The following SYNPO2 variants were observed in gnomAD, a reference collection of about 807,000 sequenced individuals.
SYNPO2 encodes the protein synaptopodin 2, also known as synaptopodin-2.
A neutral mutation model predicts 85.0 loss-of-function variants in SYNPO2; 56 were observed. The ratio of observed to expected loss-of-function variants is 0.66; its 90% CI spans 0.53 to 0.82. The LOEUF (loss-of-function observed/expected upper bound fraction) is 0.82. SYNPO2 is among the 40% of genes least tolerant of loss of function. The pLI, the probability that SYNPO2 is intolerant of heterozygous loss-of-function variation, is 0.00. For synonymous variants in SYNPO2, 602 were observed against 591.1 expected (o/e 1.02, Z -0.27); for missense variants, 1,575 against 1,534.2 (o/e 1.03, Z -0.44).
intron 1 of SYNPO2, among the ~76,000 whole-genome samples, chr4:118,872,731 A>C (rs939270034): frequency 2.0e-5 from 3 of 152,118 alleles, no homozygotes; most frequent in African/African-American, 4.8e-5. Context: ...TCCTTCCTTC[A>C]TGAGATCCAA....
chr4:118,893,867 C>T (rs979168250), intron 1 of SYNPO2, among the ~76,000 whole-genome samples: 10 of 151,696 alleles, frequency 6.6e-5, no homozygotes, highest in Admixed American at 3.9e-4. Context: ...TAAATGTTCT[C>T]GTCACAAAGA....
chr4:118,938,354 ATG>A (rs1238900378), intron 1 of SYNPO2, among the ~76,000 whole-genome samples: 3 of 152,074 alleles, frequency 2.0e-5, no homozygotes, highest in Admixed American at 6.6e-5. Flanking sequence ...TTATATATAT[ATG>A]TGTACATTAT....
intron 1 of SYNPO2, among the ~76,000 whole-genome samples, chr4:118,979,586 T>C (rs774296965): frequency 6.6e-6 from 1 of 152,254 alleles, no homozygotes; most frequent in Non-Finnish European, 1.5e-5. Flanking sequence ...ATTTCCGTAC[T>C]GTTTATGACA....
intron 3 of SYNPO2, among the ~76,000 whole-genome samples, chr4:119,027,811 A>G (rs1165543228): frequency 1.3e-5 from 2 of 152,184 alleles, no homozygotes; most frequent in Non-Finnish European, 2.9e-5. Flanking sequence ...TTTAAATGTC[A>G]AAAACTGTTG....
chr4:119,025,212 A>C (rs1737888316), intron 2 of SYNPO2, among the ~76,000 whole-genome samples: 1 of 152,176 alleles, frequency 6.6e-6, no homozygotes, highest in African/African-American at 2.4e-5. Context: ...TCTCAGCTTC[A>C]CAATTGATTG....
At chr4:118,996,040 C>G (rs1259874457) in intron 1 of SYNPO2, among the ~76,000 whole-genome samples, 2 of 152,190 alleles carry the variant, frequency 1.3e-5, no homozygotes, top group African/African-American at 4.8e-5. Flanking sequence ...CTCCTATCAC[C>G]TACAATGGAA....
chr4:119,032,929 T>TGTG, intron 4 of SYNPO2: 3 of 905,312 alleles, frequency 3.3e-6, no homozygotes, highest in Non-Finnish European at 4.0e-6. Context: ...AAAGGTTGAT[T>TGTG]CCCACCCTCC....
At chr4:119,019,034 G>A (rs1355128930) in intron 1 of SYNPO2, among the ~76,000 whole-genome samples, 3 of 152,204 alleles carry the variant, frequency 2.0e-5, no homozygotes, top group South Asian at 2.1e-4. Context: ...CACAAGGAAG[G>A]AAACAACAGA....
chr4:119,019,481 T>C (rs1170641180), intron 1 of SYNPO2, among the ~76,000 whole-genome samples: 3 of 152,216 alleles, frequency 2.0e-5, no homozygotes, highest in Non-Finnish European at 4.4e-5. Flanking sequence ...AAGATAATTA[T>C]ACTCAATTTT....
intron 4 of SYNPO2, among the ~76,000 whole-genome samples, chr4:119,046,015 G>A (rs1414286985): frequency 6.6e-6 from 1 of 151,930 alleles, no homozygotes; most frequent in Non-Finnish European, 1.5e-5. Flanking sequence ...AAGCCAGTAT[G>A]TGCTTGTATA....
intron 1 of SYNPO2, among the ~76,000 whole-genome samples, chr4:118,995,853 C>G (rs1054570845): frequency 1.3e-4 from 19 of 148,652 alleles, no homozygotes; most frequent in Admixed American, 9.6e-4. Context: ...GTCCATGTAT[C>G]TATTTATCTT....
At chr4:118,943,815 G>A (rs1400649993) in intron 1 of SYNPO2, among the ~76,000 whole-genome samples, 3 of 152,170 alleles carry the variant, frequency 2.0e-5, no homozygotes, top group Non-Finnish European at 4.4e-5. Flanking sequence ...TGTTAGAAAT[G>A]TCTTATGCCA....
chr4:119,042,634 C>A (rs894095741), intron 4 of SYNPO2: 9 of 152,198 alleles, frequency 5.9e-5, no homozygotes, highest in African/African-American at 1.7e-4. Context: ...AGTTCATGCA[C>A]TTTATGCATC....
chr4:118,966,532 G>T (rs1735323869), intron 1 of SYNPO2, among the ~76,000 whole-genome samples: 1 of 152,172 alleles, frequency 6.6e-6, no homozygotes, highest in Non-Finnish European at 1.5e-5. Context: ...TATGGCAGAA[G>T]GTTTGGTCAA....
chr4:118,966,823 G>A (rs1735334171), intron 1 of SYNPO2, among the ~76,000 whole-genome samples: 1 of 152,128 alleles, frequency 6.6e-6, no homozygotes, highest in African/African-American at 2.4e-5. Context: ...AGGTTGAACA[G>A]ATTGATGAAG....
intron 1 of SYNPO2, among the ~76,000 whole-genome samples, chr4:118,958,225 A>G (rs917217281): frequency 6.6e-6 from 1 of 152,016 alleles, no homozygotes; most frequent in Non-Finnish European, 1.5e-5. Context: ...GTCCATCCAC[A>G]TACTTTCTTA....
chr4:118,966,465 T>C (rs1735321586), intron 1 of SYNPO2, among the ~76,000 whole-genome samples: 1 of 152,064 alleles, frequency 6.6e-6, no homozygotes, highest in South Asian at 2.1e-4. Context: ...CTTACCCTTG[T>C]AAACCCCAAG....
At chr4:119,013,206 CA>C (rs1487803200) in intron 1 of SYNPO2, among the ~76,000 whole-genome samples, 1 of 152,146 alleles carries the variant, frequency 6.6e-6, no homozygotes, top group African/African-American at 2.4e-5. Flanking sequence ...ACAAATGTAC[CA>C]GGGGCCTTTG....
intron 1 of SYNPO2, among the ~76,000 whole-genome samples, chr4:118,969,771 G>GT (rs58713974): frequency 0.11 from 15,896 of 141,530 alleles, 843 homozygotes; most frequent in East Asian, 0.15. Flanking sequence ...TGATTACAAG[G>GT]TTTTTTTTTT....
Sources: gnomAD v4.1 joint callset for allele counts (sites outside exome capture counted in the v4.1 genomes callset) on GRCh38, gnomAD v4.1.1 for gene constraint, MANE v1.5 for transcripts, NCBI Gene and HGNC (gene_info 2026-07-23, HGNC 2026-07-21) for gene names.